The following LTBP1 variants were observed in gnomAD, a reference collection of about 807,000 sequenced individuals.
The protein encoded by LTBP1 is latent-transforming growth factor beta-binding protein 1.
Under a neutral mutation model 207.6 loss-of-function variants are expected in LTBP1, and 129 were observed. The ratio of observed to expected loss-of-function variants is 0.62; its 90% CI spans 0.54 to 0.72. The LOEUF (loss-of-function observed/expected upper bound fraction) is 0.72. Ranked by LOEUF, LTBP1 falls within the 30% of genes least tolerant of loss-of-function variation. LTBP1 has a pLI of 0.00. For missense variants in LTBP1, 2,281 were observed against 2,217.2 expected (o/e 1.03, Z -0.58); for synonymous variants, 963 against 833.7 (o/e 1.16, Z -2.67).
intron 7 of LTBP1, among the ~76,000 whole-genome samples, chr2:33,208,556 C>A (rs2090050605): frequency 1.3e-5 from 2 of 152,078 alleles, no homozygotes; most frequent in South Asian, 4.2e-4. Flanking sequence ...TATGAGGATA[C>A]CACCAGGCAG....
At chr2:33,280,438 CAGGA>C (rs941160226) in intron 19 of LTBP1, among the ~76,000 whole-genome samples, 17 of 151,978 alleles carry the variant, frequency 1.1e-4, no homozygotes, top group African/African-American at 3.4e-4. Flanking sequence ...GTAAGGTCTA[CAGGA>C]AGGAAGAGAG....
chr2:33,323,771 A>G (rs1233009166), intron 24 of LTBP1, among the ~76,000 whole-genome samples: 1 of 152,332 alleles, frequency 6.6e-6, no homozygotes, highest in East Asian at 1.9e-4. Context: ...AGTACTAGGA[A>G]ACATTCTTAA....
chr2:33,190,607 A>G (rs2148882542), intron 7 of LTBP1, among the ~76,000 whole-genome samples: 1 of 152,306 alleles, frequency 6.6e-6, no homozygotes, highest in Non-Finnish European at 1.5e-5. Context: ...CAAAGTAGAG[A>G]TAAGATGTGG....
intron 2 of LTBP1, among the ~76,000 whole-genome samples, chr2:32,988,413 AC>A (rs1291740779): frequency 6.6e-6 from 1 of 152,126 alleles, no homozygotes; most frequent in African/African-American, 2.4e-5. Flanking sequence ...TGCCATTTCT[AC>A]CACACTGAGC....
At chr2:32,973,686 T>C (rs1157572269) in intron 2 of LTBP1, among the ~76,000 whole-genome samples, 1 of 152,180 alleles carries the variant, frequency 6.6e-6, no homozygotes, top group African/African-American at 2.4e-5. Flanking sequence ...ATAGGTCTTA[T>C]TCATTCTTTC....
chr2:33,181,189 C>T (rs766612576), intron 5 of LTBP1, among the ~76,000 whole-genome samples: 3 of 152,178 alleles, frequency 2.0e-5, no homozygotes, highest in Non-Finnish European at 2.9e-5. Flanking sequence ...AACCAGCAGC[C>T]GAAGTATTTT....
At chr2:33,007,120 A>G (rs1687016031) in intron 2 of LTBP1, among the ~76,000 whole-genome samples, 1 of 152,224 alleles carries the variant, frequency 6.6e-6, no homozygotes, top group Admixed American at 6.5e-5. Context: ...GCTGGAGGGC[A>G]GTGGCACGAT....
At chr2:33,062,201 A>G (rs1010831287) in intron 3 of LTBP1, among the ~76,000 whole-genome samples, 1 of 140,780 alleles carries the variant, frequency 7.1e-6, no homozygotes, top group African/African-American at 2.5e-5. Flanking sequence ...TATCCTGGAT[A>G]TCAATCTTTT....
rs572135510 is a variant in LTBP1 at position 33,376,859 on chromosome 2, C to T, written c.4711+11356C>T. On this transcript the variant is annotated intron_variant, in intron 31 of 33. Transcript: ENST00000404816. ...AGAGGTACTGGATTTGTGAAAGGGG[C>T]CAAATAAGCAGGAATGAATGGCAGA... Among the ~76,000 whole-genome samples, 476 of 151,878 alleles carry T rather than the reference C, an allele frequency of 3.1e-3. 1 individual carries two copies. The highest frequency in any genetic ancestry group is 4.9e-3 in the Non-Finnish European group (333 of 67,954).
intron 5 of LTBP1, among the ~76,000 whole-genome samples, chr2:33,146,428 A>AGAGCG (rs1369491925): frequency 3.9e-5 from 6 of 152,254 alleles, no homozygotes; most frequent in Non-Finnish European, 7.3e-5. Flanking sequence ...AGACATGGGC[A>AGAGCG]GAGCGGAGGG....
chr2:32,989,702 C>CAGCA (rs1684115398), intron 2 of LTBP1, among the ~76,000 whole-genome samples: 1 of 152,144 alleles, frequency 6.6e-6, no homozygotes, highest in Non-Finnish European at 1.5e-5. Flanking sequence ...TGTAGACATG[C>CAGCA]CATCATCAAG....
At chr2:33,296,867 G>T (rs543918787) in intron 20 of LTBP1, among the ~76,000 whole-genome samples, 1 of 152,232 alleles carries the variant, frequency 6.6e-6, no homozygotes, top group Admixed American at 6.5e-5. Flanking sequence ...AGCAATAATG[G>T]TACCTGCTAG....
chr2:32,978,886 A>G (rs760563521), intron 2 of LTBP1, among the ~76,000 whole-genome samples: 5 of 151,324 alleles, frequency 3.3e-5, no homozygotes, highest in Non-Finnish European at 7.4e-5. Context: ...TGATATCATT[A>G]CTCAGTCTGT....
At chr2:33,248,226 C>G (rs2092571866) in intron 10 of LTBP1, among the ~76,000 whole-genome samples, 1 of 152,150 alleles carries the variant, frequency 6.6e-6, no homozygotes, top group South Asian at 2.1e-4. Context: ...TTCGTAAATG[C>G]CAGGCACTGT....
intron 9 of LTBP1, among the ~76,000 whole-genome samples, chr2:33,233,892 A>G (rs2091916105): frequency 6.6e-6 from 1 of 151,638 alleles, no homozygotes; most frequent in African/African-American, 2.4e-5. Flanking sequence ...TTGTTGAATG[A>G]CTATTCAGTG....
chr2:33,099,724 G>A (rs1378555069), intron 3 of LTBP1, among the ~76,000 whole-genome samples: 1 of 152,178 alleles, frequency 6.6e-6, no homozygotes, highest in African/African-American at 2.4e-5. Context: ...CATGTGCCAC[G>A]TGGATGCCTG....
intron 5 of LTBP1, among the ~76,000 whole-genome samples, chr2:33,149,681 CTCTGGAAACTGAA>C (rs1297084807): frequency 6.6e-6 from 1 of 152,126 alleles, no homozygotes; most frequent in Non-Finnish European, 1.5e-5. Flanking sequence ...TCTGAAGATT[CTCTGGAAACTGAA>C]ACAAGAAATG....
chr2:33,310,385 C>G (rs774109407), intron 23 of LTBP1, among the ~76,000 whole-genome samples: 5 of 152,164 alleles, frequency 3.3e-5, no homozygotes, highest in Non-Finnish European at 5.9e-5. Flanking sequence ...CTAATGAAAA[C>G]ACAGCAACAC....
At position 32,998,512 on chromosome 2, in the gene LTBP1, T is replaced by TAA. The variant is rs769287082; in HGVS notation, c.566-22364_566-22363dup. 1.3e-3 allele frequency among the ~76,000 whole-genome samples: 38 copies of TAA among 29,262 alleles called. 2 individuals carry two copies. Among genetic ancestry groups the TAA allele is most frequent in the African/African-American group, 3.3e-3 (38 of 11,668 alleles). The allele number at this position is 29,262 out of a possible 152,430, so 19.2% of individuals were successfully genotyped here. ...CTGGCAACAGAGTGAGACTCCATCT[T>TAA]AAAAAAAAAAAAAAAAAAAAAAAAA... On this transcript the variant is annotated intron_variant, in intron 2 of 33. Coordinates refer to ENST00000404816, the MANE Select transcript of LTBP1 (RefSeq NM_206943.4).
Sources: allele counts gnomAD v4.1 joint callset (sites outside exome capture counted in the v4.1 genomes callset), GRCh38; gene constraint gnomAD v4.1.1; transcripts MANE v1.5; gene names NCBI Gene and HGNC (gene_info 2026-07-23, HGNC 2026-07-21).